The following VDR variants were observed in gnomAD, a reference collection of about 807,000 sequenced individuals.
VDR encodes vitamin D receptor, also known as vitamin D3 receptor.
Under a neutral mutation model 39.7 loss-of-function variants are expected in VDR, and 19 were observed. That is an observed-to-expected ratio of 0.48 (90% CI 0.33 to 0.70). The LOEUF (loss-of-function observed/expected upper bound fraction) is 0.70, where lower values mean the gene tolerates loss of function less well. Among genes scored for constraint, VDR ranks in the 30% least tolerant of loss-of-function variants. VDR has a pLI of 0.02. For synonymous variants in VDR, 242 were observed against 215.8 expected, an observed-to-expected ratio of 1.12 and a Z score of -1.07; for missense variants, 442 against 570.5, an observed-to-expected ratio of 0.77 and a Z score of 2.29.
At position 47,857,127 on chromosome 12, in the gene VDR, A is replaced by G; in HGVS notation, c.583+2T>C. On this transcript the variant is annotated splice_donor_variant, in intron 6 of 9. Transcript: ENST00000549336. LOFTEE classifies it high-confidence loss of function. ...TCTATGGAGGACTGAAGTCCTGCTTACCTGAAGAGGTGATACAGTGATCTG... is the reference window on the plus strand; with the variant it reads ...TCTATGGAGGACTGAAGTCCTGCTTGCCTGAAGAGGTGATACAGTGATCTG... 1 of 1,614,110 alleles carries G rather than the reference A, an allele frequency of 6.2e-7. No homozygotes were observed. The highest frequency in any genetic ancestry group is 8.5e-7 in the Non-Finnish European group (1 of 1,179,996).
At chr12:47,852,865 C>T (rs556793642) in intron 7 of VDR, among the ~76,000 whole-genome samples, 16 of 152,284 alleles carry the variant, frequency 1.1e-4, no homozygotes, top group Non-Finnish European at 2.1e-4. Flanking sequence ...TGTTTCCATC[C>T]AGAGCCGGCA....
chr12:47,897,655 A>C (rs769490251), intron 1 of VDR, among the ~76,000 whole-genome samples: 1 of 152,180 alleles, frequency 6.6e-6, no homozygotes, highest in Non-Finnish European at 1.5e-5. Context: ...CTAGCAGGGT[A>C]TTCGACCTTC....
rs757284888 is a variant in VDR, at chr12:47,864,041, C to CACCCCG, written c.277+1000_277+1005dup. On this transcript the variant is annotated intron_variant, in intron 4 of 9. Transcript: ENST00000549336. The stretch of plus-strand genomic sequence containing the variant: ...AGGGTCCGCATCTGAGCAACATCCC[C>CACCCCG]ACCCCGACTCCGACTCCGATTCCTC... Among the ~76,000 whole-genome samples the CACCCCG allele has an allele frequency of 2.0e-5, 3 of 152,334 alleles. No homozygotes were observed. In the East Asian group the frequency reaches 5.8e-4, roughly 29 times the overall value.
At chr12:47,871,680 G>C (rs1945883551) in intron 3 of VDR, among the ~76,000 whole-genome samples, 1 of 152,052 alleles carries the variant, frequency 6.6e-6, no homozygotes, top group Admixed American at 6.5e-5. Context: ...GGCCAGACTG[G>C]TCTCGAACTC....
intron 2 of VDR, among the ~76,000 whole-genome samples, chr12:47,879,409 C>T (rs6580643): frequency 6.6e-6 from 1 of 152,182 alleles, no homozygotes; most frequent in Non-Finnish European, 1.5e-5. Context: ...CCTCTGCATG[C>T]CCCCGCTGTC....
intron 3 of VDR, among the ~76,000 whole-genome samples, chr12:47,865,934 C>T (rs1016055310): frequency 1.3e-5 from 2 of 151,226 alleles, no homozygotes; most frequent in African/African-American, 4.9e-5. Flanking sequence ...CCAGGATGGT[C>T]TCGATCTCCT....
chr12:47,854,675 GC>G (rs1945448129), intron 7 of VDR, among the ~76,000 whole-genome samples: 1 of 152,226 alleles, frequency 6.6e-6, no homozygotes, highest in Admixed American at 6.5e-5. Context: ...TCTAGGCCTG[GC>G]TCTGACATGC....
chr12:47,882,628 T>TCCCCCCCCCCCCCCCCCCCCC, intron 2 of VDR, 66 bp downstream of exon 2: 1 of 187,188 alleles, frequency 5.3e-6, no homozygotes, highest in Non-Finnish European at 9.9e-6. Context: ...CTTATGCCCC[T>TCCCCCCCCCCCCCCCCCCCCC]CCCCCCCACC....
chr12:47,894,933 C>T (rs939847012), intron 1 of VDR, among the ~76,000 whole-genome samples: 4 of 152,318 alleles, frequency 2.6e-5, no homozygotes, highest in Non-Finnish European at 1.5e-5. Context: ...AGGGAAGGCC[C>T]GCGGGAGCCA....
At chr12:47,873,670 C>G (rs190569603) in intron 3 of VDR, among the ~76,000 whole-genome samples, 7 of 151,666 alleles carry the variant, frequency 4.6e-5, no homozygotes, top group African/African-American at 1.5e-4. Flanking sequence ...CACCTGTTTT[C>G]TTTATAAATT....
At chr12:47,873,422 G>A (rs529438030) in intron 3 of VDR, among the ~76,000 whole-genome samples, 9 of 137,402 alleles carry the variant, frequency 6.6e-5, no homozygotes, top group African/African-American at 2.5e-4. Flanking sequence ...GTGCAGTGGC[G>A]CAATCTCGGC....
chr12:47,894,476 G>T (rs1946428789), intron 1 of VDR, among the ~76,000 whole-genome samples: 1 of 152,194 alleles, frequency 6.6e-6, no homozygotes, highest in South Asian at 2.1e-4. Context: ...GCTGCCAGGT[G>T]GGCTGCAGAC....
chr12:47,887,912 G>A (rs983623611), intron 1 of VDR, among the ~76,000 whole-genome samples: 27 of 152,198 alleles, frequency 1.8e-4, no homozygotes, highest in Non-Finnish European at 3.8e-4. Context: ...TAACCCTTTT[G>A]GGACTATGCA....
chr12:47,888,481 C>T (rs1400177204), intron 1 of VDR, among the ~76,000 whole-genome samples: 1 of 152,172 alleles, frequency 6.6e-6, no homozygotes, highest in Admixed American at 6.5e-5. Flanking sequence ...AGATATATGG[C>T]TTACTTAGAT....
At chr12:47,880,119 T>C (rs1164557757) in intron 2 of VDR, among the ~76,000 whole-genome samples, 1 of 152,128 alleles carries the variant, frequency 6.6e-6, no homozygotes, top group Non-Finnish European at 1.5e-5. Context: ...GTTCTCCCAA[T>C]TTTATCTGAA....
intron 4 of VDR, among the ~76,000 whole-genome samples, chr12:47,862,706 A>G (rs1188133884): frequency 6.6e-6 from 1 of 152,208 alleles, no homozygotes; most frequent in African/African-American, 2.4e-5. Flanking sequence ...TGAGACACTC[A>G]ATTGTCTCTG....
intron 3 of VDR, among the ~76,000 whole-genome samples, chr12:47,877,647 C>T (rs1029655266): frequency 6.6e-6 from 1 of 152,126 alleles, no homozygotes; most frequent in Non-Finnish European, 1.5e-5. Context: ...AAGGCAGCCC[C>T]CCAAGTTAGA....
intron 7 of VDR, among the ~76,000 whole-genome samples, chr12:47,854,219 T>C (rs993326432): frequency 2.6e-5 from 4 of 152,268 alleles, no homozygotes; most frequent in African/African-American, 9.6e-5. Context: ...CCTCCTGGGC[T>C]CAAGTGATTC....
At chr12:47,847,721 C>T (rs567197551) in intron 7 of VDR, among the ~76,000 whole-genome samples, 8 of 152,086 alleles carry the variant, frequency 5.3e-5, no homozygotes, top group East Asian at 1.9e-4. Flanking sequence ...TACAAGCATG[C>T]GCCACCATGC....
Sources: allele counts gnomAD v4.1 joint callset (sites outside exome capture counted in the v4.1 genomes callset), GRCh38; gene constraint gnomAD v4.1.1; transcripts MANE v1.5; gene names NCBI Gene and HGNC (gene_info 2026-07-23, HGNC 2026-07-21).